The following CWF19L2 variants were observed in gnomAD, a reference collection of about 807,000 sequenced individuals.
CWF19L2 encodes the protein CWF19-like protein 2.
A neutral mutation model predicts 111.7 loss-of-function variants in CWF19L2; 98 were observed. The observed-to-expected ratio is 0.88, with a 90% CI of 0.75 to 1.04. The LOEUF (loss-of-function observed/expected upper bound fraction) is 1.04. CWF19L2 is among the 50% of genes least tolerant of loss of function. CWF19L2 has a pLI of 0.00. For missense variants in CWF19L2, 1,101 were observed against 1,051.4 expected (o/e 1.05, Z -0.65); for synonymous variants, 351 against 342.9 (o/e 1.02, Z -0.26).
chr11:107,429,348 T>G lies in CWF19L2; in HGVS notation c.884A>C (p.Lys295Thr). ...TCTACTTTCTTGACAATTTTGTGCT[T>G]TATCTGAATATGTGGGTTTCCTCCA... ...ERWRKPTYSD[K>T]AQNCQESRES... Residue 295 changes from lysine to threonine, a missense_variant, in exon 8 of 18, where the codon AAA becomes ACA. Transcript: ENST00000282251. 6.2e-7 allele frequency: 1 copy of G among 1,604,360 alleles called. No individual in the cohort carries two copies. The highest frequency in any genetic ancestry group is 8.5e-7 in the Non-Finnish European group (1 of 1,174,142).
rs201774508 is a variant in CWF19L2, at chr11:107,362,953, A to G, written c.1873-9217T>C. ...AAATTTAGCAGAATGTATAACTAGA[A>G]CAACCAATACAGAGAAGTGCTTAAA... is the stretch of plus-strand genomic sequence containing the variant. On this transcript the variant is annotated intron_variant, in intron 12 of 17. Transcript: ENST00000282251. Among the ~76,000 whole-genome samples, 533 of 152,050 alleles carry G rather than the reference A, an allele frequency of 3.5e-3. 17 individuals are homozygous for G. In the East Asian group the frequency reaches 0.073, roughly 21 times the overall value.
intron 14 of CWF19L2, among the ~76,000 whole-genome samples, chr11:107,345,749 A>G (rs1860071408): frequency 6.6e-6 from 1 of 152,208 alleles, no homozygotes; most frequent in Non-Finnish European, 1.5e-5. Context: ...AACATCAAGC[A>G]TGATGTTCTC....
chr11:107,348,795 T>C (rs1423835312), intron 14 of CWF19L2, 142 bp downstream of exon 14: 1 of 479,638 alleles, frequency 2.1e-6, no homozygotes, highest in Non-Finnish European at 3.8e-6. Context: ...GATCCACAGA[T>C]ATATACAACT....
chr11:107,331,022 A>G (rs1375317567), intron 16 of CWF19L2, among the ~76,000 whole-genome samples: 2 of 152,230 alleles, frequency 1.3e-5, no homozygotes. Flanking sequence ...GGGCTTATAA[A>G]AAGTTTTTCA....
chr11:107,360,954 T>G (rs1209969771), intron 12 of CWF19L2, among the ~76,000 whole-genome samples: 2 of 152,222 alleles, frequency 1.3e-5, no homozygotes, highest in Admixed American at 1.3e-4. Context: ...AGCTTTTTAG[T>G]TTAATTAACT....
At chr11:107,442,775 GAAGGAAGGAAGGAAGGA>G (rs1861640688) in intron 4 of CWF19L2, among the ~76,000 whole-genome samples, 147 bp downstream of exon 4, 1 of 48,848 alleles carries the variant, frequency 2.0e-5, no homozygotes, top group Admixed American at 2.1e-4. Context: ...AGGAAGGAAG[GAAGGAAGGAAGGAAGGA>G]AGGGAGGGAG....
intron 2 of CWF19L2, among the ~76,000 whole-genome samples, chr11:107,455,404 T>C (rs1439767637): frequency 6.6e-6 from 1 of 152,196 alleles, no homozygotes; most frequent in Non-Finnish European, 1.5e-5. Flanking sequence ...TTTTTAGGCC[T>C]ATAAGCTTGC....
intron 12 of CWF19L2, among the ~76,000 whole-genome samples, chr11:107,388,608 C>T (rs1860805452): frequency 6.6e-6 from 1 of 152,126 alleles, no homozygotes; most frequent in Admixed American, 6.5e-5. Flanking sequence ...TCTCGAACTC[C>T]TGACCTCATG....
Position 107,363,080 on chromosome 11 carries a change from A to C in CWF19L2, c.1873-9344T>G, listed in dbSNP as rs1017081549. Among the ~76,000 whole-genome samples the C allele has an allele frequency of 1.5e-3, 231 of 152,308 alleles. 1 individual carries two copies. Among genetic ancestry groups the C allele is most frequent in the African/African-American group, 5.3e-3 (221 of 41,562 alleles). ...CTGGAAGAAAGGGTATCAGCGATGG[A>C]AGATGAAATGAATGAAATGAAGCGA... On this transcript the variant is annotated intron_variant, in intron 12 of 17. Transcript: ENST00000282251.
intron 17 of CWF19L2, 63 bp from the exon 18 acceptor site, chr11:107,327,116 C>G (rs2134513994): frequency 1.6e-5 from 22 of 1,378,128 alleles, no homozygotes; most frequent in Non-Finnish European, 2.0e-5. Flanking sequence ...AGAAATGAAA[C>G]TATTTCTGTT....
chr11:107,433,875 G>T (rs2135413863), intron 6 of CWF19L2, 126 bp from the exon 7 acceptor site: 9 of 113,262 alleles, frequency 7.9e-5, no homozygotes, highest in Admixed American at 2.1e-4. Flanking sequence ...AGTGCCTTTG[G>T]AATTTTATAT....
chr11:107,349,172 A>AG, intron 13 of CWF19L2, 119 bp from the exon 14 acceptor site: 1 of 411,436 alleles, frequency 2.4e-6, no homozygotes, highest in Middle Eastern at 7.1e-4. Context: ...AAAAATGATG[A>AG]ATATTTAATG....
intron 9 of CWF19L2, among the ~76,000 whole-genome samples, chr11:107,416,846 T>C (rs9888291): frequency 0.039 from 5,879 of 152,334 alleles, 222 homozygotes; most frequent in African/African-American, 0.091. Context: ...CACAGTGTTC[T>C]TCTTGAACAC....
chr11:107,450,039 A>C lies in CWF19L2; in HGVS notation c.339+4411T>G, dbSNP rs552182445. On this transcript the variant is annotated intron_variant, in intron 3 of 17. Transcript: ENST00000282251. ...AAAACATCTAATTGAAAAGTAAGAG[A>C]CGTGAGCCAAGATTGCGGCACTGCA... Among the ~76,000 whole-genome samples the C allele has an allele frequency of 6.6e-5, 10 of 151,984 alleles. No individual in the cohort carries two copies. In the South Asian group the frequency reaches 1.9e-3, roughly 28 times the overall value.
At chr11:107,353,454 C>A in intron 13 of CWF19L2, 70 bp downstream of exon 13, 1 of 1,146,258 alleles carries the variant, frequency 8.7e-7, no homozygotes, top group Non-Finnish European at 1.3e-6. Flanking sequence ...TAAACTTATT[C>A]AAGTTATTCT....
chr11:107,349,687 ATTCTTAT>A (rs1860130778), intron 13 of CWF19L2, among the ~76,000 whole-genome samples: 1 of 152,054 alleles, frequency 6.6e-6, no homozygotes, highest in Non-Finnish European at 1.5e-5. Flanking sequence ...GCTTGATCTT[ATTCTTAT>A]TTCTGTTATA....
chr11:107,373,380 C>T (rs1210250960), intron 12 of CWF19L2, among the ~76,000 whole-genome samples: 1 of 134,788 alleles, frequency 7.4e-6, no homozygotes, highest in Non-Finnish European at 1.6e-5. Context: ...TGTCTGACAG[C>T]TTTGAAGACA....
intron 10 of CWF19L2, among the ~76,000 whole-genome samples, chr11:107,396,544 A>G (rs771943585): frequency 6.6e-6 from 1 of 152,202 alleles, no homozygotes; most frequent in Non-Finnish European, 1.5e-5. Flanking sequence ...TCAGTTTGCT[A>G]ACATAACCAG....
intron 8 of CWF19L2, among the ~76,000 whole-genome samples, chr11:107,422,479 G>A (rs1289473139): frequency 1.3e-5 from 2 of 151,866 alleles, no homozygotes; most frequent in African/African-American, 2.4e-5. Flanking sequence ...GGGCACAAAG[G>A]CTTTCAGGGG....
Sources: gnomAD v4.1 joint callset for allele counts (sites outside exome capture counted in the v4.1 genomes callset) on GRCh38, gnomAD v4.1.1 for gene constraint, MANE v1.5 for transcripts, NCBI Gene and HGNC (gene_info 2026-07-23, HGNC 2026-07-21) for gene names.